Variants in CDC42BPA observed in about 807,000 individuals in gnomAD.
CDC42BPA encodes the protein serine/threonine-protein kinase MRCK alpha.
A neutral mutation model predicts 223.5 loss-of-function variants in CDC42BPA; 80 were observed. The ratio of observed to expected loss-of-function variants is 0.36; its 90% CI spans 0.30 to 0.43. The LOEUF is 0.43. Ranked by LOEUF, CDC42BPA falls within the 20% of genes least tolerant of loss-of-function variation. The pLI, the probability that CDC42BPA is intolerant of heterozygous loss-of-function variation, is 1.00. For synonymous variants in CDC42BPA, 694 were observed against 718.6 expected, an observed-to-expected ratio of 0.97 and a Z score of 0.55; for missense variants, 1,743 against 2,099.9, an observed-to-expected ratio of 0.83 and a Z score of 3.32.
At chr1:227,248,775 A>G (rs1349550760) in intron 2 of CDC42BPA, among the ~76,000 whole-genome samples, 1 of 152,166 alleles carries the variant, frequency 6.6e-6, no homozygotes, top group African/African-American at 2.4e-5. Flanking sequence ...CTGATGAAAG[A>G]AACTGAAGAG....
At position 227,160,639 on chromosome 1, in the gene CDC42BPA, G is replaced by GA; in HGVS notation, c.600-4dup. On this transcript the variant is annotated splice_polypyrimidine_tract_variant and splice_region_variant and intron_variant, in intron 5 of 36. Coordinates refer to ENST00000366766, the MANE Select transcript of CDC42BPA (RefSeq NM_001394014.1). ...GTATATTGTCAGGTTTAATGTCTCT[G>GA]AAAAAATAAATAAATTCAATTTTTA... 1 of 1,471,108 alleles carries GA rather than the reference G, an allele frequency of 6.8e-7. No individual in the cohort carries two copies. The highest frequency in any genetic ancestry group is 9.3e-7 in the Non-Finnish European group (1 of 1,073,286). The allele number at this position is 1,471,108 out of a possible 1,614,324, so 91.1% of individuals were successfully genotyped here.
chr1:227,057,735 T>C (rs1674891702), intron 21 of CDC42BPA, among the ~76,000 whole-genome samples: 1 of 152,194 alleles, frequency 6.6e-6, no homozygotes, highest in Admixed American at 6.5e-5. Flanking sequence ...CAATAGATTA[T>C]GGTTAATTAT....
chr1:227,019,421 T>C (rs922878973), intron 32 of CDC42BPA, among the ~76,000 whole-genome samples: 1 of 152,228 alleles, frequency 6.6e-6, no homozygotes, highest in Non-Finnish European at 1.5e-5. Flanking sequence ...CTATGAGGGC[T>C]GGAATCTGCT....
chr1:227,003,670 C>T (rs1384031950), intron 35 of CDC42BPA, among the ~76,000 whole-genome samples: 2 of 152,156 alleles, frequency 1.3e-5, no homozygotes, highest in East Asian at 1.9e-4. Flanking sequence ...TCTTTTTACA[C>T]ACCTTTCCTC....
chr1:227,222,074 A>C (rs1370293435), intron 2 of CDC42BPA, among the ~76,000 whole-genome samples: 2 of 137,274 alleles, frequency 1.5e-5, no homozygotes, highest in Non-Finnish European at 3.2e-5. Flanking sequence ...AAAAAAAAAA[A>C]AAAAATTAAT....
chr1:227,010,850 A>G, intron 34 of CDC42BPA: 1 of 1,301,574 alleles, frequency 7.7e-7, no homozygotes, highest in Non-Finnish European at 1.0e-6. Context: ...GGTTAGTGAA[A>G]GTTAACACCT....
intron 2 of CDC42BPA, among the ~76,000 whole-genome samples, chr1:227,251,816 A>G (rs1682056987): frequency 6.6e-6 from 1 of 152,162 alleles, no homozygotes; most frequent in Non-Finnish European, 1.5e-5. Context: ...AACACTGCAG[A>G]GCAAATTTCA....
chr1:227,215,103 C>T (rs925781285), intron 2 of CDC42BPA, among the ~76,000 whole-genome samples: 14 of 152,088 alleles, frequency 9.2e-5, no homozygotes, highest in East Asian at 1.9e-4. Context: ...TGCTCCAAAC[C>T]CCAATGAGAA....
At chr1:227,082,580 T>G (rs1354319128) in intron 16 of CDC42BPA, among the ~76,000 whole-genome samples, 1 of 151,752 alleles carries the variant, frequency 6.6e-6, no homozygotes, top group Non-Finnish European at 1.5e-5. Context: ...CCAGACGTGG[T>G]GGCATGTGCC....
intron 7 of CDC42BPA, among the ~76,000 whole-genome samples, chr1:227,146,690 T>C (rs1365013688): frequency 6.6e-6 from 1 of 152,154 alleles, no homozygotes; most frequent in Non-Finnish European, 1.5e-5. Flanking sequence ...TTGTTGTGTG[T>C]CTGTGTTGCT....
intron 2 of CDC42BPA, among the ~76,000 whole-genome samples, chr1:227,253,281 C>CGCGTGCAT (rs1407416741): frequency 6.6e-6 from 1 of 151,354 alleles, no homozygotes; most frequent in Middle Eastern, 3.2e-3. Flanking sequence ...CGCGCGCGTG[C>CGCGTGCAT]GCGTGCATGT....
chr1:227,020,633 T>A (rs944118274), intron 32 of CDC42BPA, among the ~76,000 whole-genome samples: 29 of 152,220 alleles, frequency 1.9e-4, no homozygotes, highest in African/African-American at 7.0e-4. Flanking sequence ...GGCTTTGGCT[T>A]AAGGGAATGT....
intron 2 of CDC42BPA, among the ~76,000 whole-genome samples, chr1:227,251,046 T>A (rs1681917474): frequency 6.6e-6 from 1 of 152,160 alleles, no homozygotes; most frequent in Non-Finnish European, 1.5e-5. Flanking sequence ...AAGCAAAACT[T>A]TGTCTCTAAA....
intron 4 of CDC42BPA, among the ~76,000 whole-genome samples, chr1:227,196,760 T>C (rs1032633642): frequency 6.6e-6 from 1 of 152,228 alleles, no homozygotes; most frequent in African/African-American, 2.4e-5. Flanking sequence ...TTCAAGTATC[T>C]TTCACCTTTT....
intron 2 of CDC42BPA, among the ~76,000 whole-genome samples, chr1:227,227,948 T>C (rs988489301): frequency 3.3e-5 from 5 of 152,344 alleles, no homozygotes; most frequent in Admixed American, 6.5e-5. Context: ...GTCAATTATG[T>C]TGAGGTTGTT....
chr1:227,302,614 A>T (rs1040302340), intron 1 of CDC42BPA, among the ~76,000 whole-genome samples: 13 of 152,276 alleles, frequency 8.5e-5, no homozygotes, highest in African/African-American at 2.6e-4. Flanking sequence ...ATTTTCATCC[A>T]CTGACCTAGG....
chr1:227,162,413 T>C (rs990421360), intron 5 of CDC42BPA, among the ~76,000 whole-genome samples: 3 of 152,222 alleles, frequency 2.0e-5, no homozygotes, highest in African/African-American at 7.2e-5. Context: ...TATCCATGCA[T>C]ATTTTACACT....
intron 5 of CDC42BPA, chr1:227,183,387 T>A (rs1317812310): frequency 1.3e-5 from 2 of 152,194 alleles, no homozygotes; most frequent in African/African-American, 4.8e-5. Flanking sequence ...AAATTATTCA[T>A]CTGTTCTCTA....
intron 30 of CDC42BPA, among the ~76,000 whole-genome samples, chr1:227,026,697 A>G (rs7549464): frequency 0.4 from 60,582 of 151,672 alleles, 12,466 homozygotes; most frequent in Non-Finnish European, 0.46. Flanking sequence ...GGAATTATTG[A>G]AAGAGCTACA....
Sources: gnomAD v4.1 joint callset for allele counts (sites outside exome capture counted in the v4.1 genomes callset) on GRCh38, gnomAD v4.1.1 for gene constraint, MANE v1.5 for transcripts, NCBI Gene and HGNC (gene_info 2026-07-23, HGNC 2026-07-21) for gene names.